Variants in PXYLP1 observed in about 807,000 individuals in gnomAD.
PXYLP1 encodes acid phosphatase-like 2.
In PXYLP1, 17 loss-of-function variants were observed where a neutral mutation model predicts 37.9. The ratio of observed to expected loss-of-function variants is 0.45; its 90% CI spans 0.31 to 0.67. The LOEUF (loss-of-function observed/expected upper bound fraction) is 0.67. Among genes scored for constraint, PXYLP1 ranks in the 30% least tolerant of loss-of-function variants. The probability of loss-of-function intolerance (pLI) is 0.07; values close to 1 mark genes in which losing one functional copy is unlikely to be tolerated. For missense variants in PXYLP1, 511 were observed against 612.0 expected (o/e 0.84, Z 1.74); for synonymous variants, 221 against 232.2 (o/e 0.95, Z 0.44).
At chr3:141,251,124 C>T (rs142079745) in intron 1 of PXYLP1, among the ~76,000 whole-genome samples, 184 of 152,320 alleles carry the variant, frequency 1.2e-3, no homozygotes, top group Non-Finnish European at 7.1e-4. Context: ...AGTTCTAGAT[C>T]GGAAATTGGT....
intron 1 of PXYLP1, among the ~76,000 whole-genome samples, chr3:141,236,714 A>G (rs561613388): frequency 6.6e-6 from 1 of 152,330 alleles, no homozygotes; most frequent in East Asian, 1.9e-4. Context: ...TTAGAATTAA[A>G]CATTTACTGT....
In PXYLP1 at chr3:141,292,906, C is replaced by T; in HGVS notation, c.1144C>T (p.Leu382=). Residue 382 remains leucine, a synonymous_variant, in exon 6 of 6, where the codon CTG becomes TTG. Transcript: ENST00000286353. The surrounding 1 kb of genome is among the most constrained non-coding windows in gnomAD (Gnocchi z 4.3). ...CCTCTACTCTGCTCATGATGTCACTCTGTCACCAGTTCTCAGTGCCTTGGG... is the reference window on the plus strand; with the variant it reads ...CCTCTACTCTGCTCATGATGTCACTTTGTCACCAGTTCTCAGTGCCTTGGG... ...FALYSAHDVT[L]SPVLSALGLS... The T allele has an allele frequency of 6.2e-7, 1 of 1,614,180 alleles. No homozygotes were observed. Among genetic ancestry groups the T allele is most frequent in the South Asian group, 1.1e-5 (1 of 91,070 alleles).
At chr3:141,287,589 T>A in intron 5 of PXYLP1, 136 bp downstream of exon 5, 6 of 925,754 alleles carry the variant, frequency 6.5e-6, no homozygotes, top group Non-Finnish European at 8.9e-6. Context: ...AGGAGCTCGG[T>A]CACCAGGGCC....
At chr3:141,259,075 C>T (rs1368824472) in intron 1 of PXYLP1, among the ~76,000 whole-genome samples, 1 of 152,144 alleles carries the variant, frequency 6.6e-6, no homozygotes, top group Non-Finnish European at 1.5e-5. Flanking sequence ...ATGTGCTTTT[C>T]GTAGTACAGC....
At chr3:141,266,752 A>G (rs1009855733) in intron 2 of PXYLP1, among the ~76,000 whole-genome samples, 1 of 149,794 alleles carries the variant, frequency 6.7e-6, no homozygotes, top group Admixed American at 6.6e-5. Flanking sequence ...TGTTTTCGAT[A>G]GTTTCCCTGG....
chr3:141,260,209 GC>G lies in PXYLP1; in HGVS notation c.37del (p.Leu13TrpfsTer8), dbSNP rs1446017104. The G allele has an allele frequency of 6.2e-7, 1 of 1,613,474 alleles. No homozygotes were observed. Among genetic ancestry groups the G allele is most frequent in the Non-Finnish European group, 8.5e-7 (1 of 1,180,022 alleles). Reference sequence around the variant, plus strand: ...CCGCAACCGCTTCTTGCTGCTGCTGGCCCTGGCTGCGCTGCTGGCCTTTGTG... The same window carrying G: ...CCGCAACCGCTTCTTGCTGCTGCTGGCCTGGCTGCGCTGCTGGCCTTTGTG... ...LFRNRFLLLL[A>X]LAALLAFVSL... On this transcript the variant is annotated frameshift_variant, in exon 2 of 6. Transcript: ENST00000286353. LOFTEE classifies it high-confidence loss of function.
intron 4 of PXYLP1, among the ~76,000 whole-genome samples, chr3:141,286,595 C>T (rs1040996314): frequency 1.3e-5 from 2 of 152,072 alleles, no homozygotes; most frequent in African/African-American, 4.8e-5. Context: ...TTTGGCTTGG[C>T]GTGGCCAGAG....
Position 141,292,215 on chromosome 3 carries a change from T to G in PXYLP1, c.506-53T>G. The G allele has an allele frequency of 6.6e-7, 1 of 1,516,280 alleles. No individual in the cohort carries two copies. The highest frequency in any genetic ancestry group is 2.3e-5 in the East Asian group (1 of 44,238). The allele number at this position is 1,516,280 out of a possible 1,614,324, so 93.9% of individuals were successfully genotyped here. A position where few individuals can be genotyped will look rare whatever the true frequency, so the allele number is the denominator to read the frequency against. ...ACACGCTGACTCCACCTCCCCTTGC[T>G]GTTTCTTTTGCTCAGCTGGAAGTAA... On this transcript the variant is annotated intron_variant, in intron 5 of 5. Transcript: ENST00000286353. This position sits in a 1 kb window ranked among gnomAD's most constrained non-coding sequence, Gnocchi z 4.3.
chr3:141,282,701 G>A (rs565274152), intron 4 of PXYLP1, among the ~76,000 whole-genome samples: 2 of 152,368 alleles, frequency 1.3e-5, no homozygotes, highest in South Asian at 4.1e-4. Context: ...AAACTCAGAA[G>A]TGGCAGCAGA....
At chr3:141,273,520 G>GT (rs964045548) in intron 2 of PXYLP1, 2 of 985,422 alleles carry the variant, frequency 2.0e-6, no homozygotes, top group African/African-American at 3.5e-5. Context: ...GGGAAGGGTG[G>GT]TGGGGAGGGA....
At chr3:141,238,858 T>G (rs1197223372) in intron 1 of PXYLP1, among the ~76,000 whole-genome samples, 1 of 152,170 alleles carries the variant, frequency 6.6e-6, no homozygotes, top group Non-Finnish European at 1.5e-5. Context: ...TCCTATTCGT[T>G]AAGTGGAAGT....
At chr3:141,240,183 A>G (rs1049768847) in intron 1 of PXYLP1, among the ~76,000 whole-genome samples, 2 of 152,238 alleles carry the variant, frequency 1.3e-5, no homozygotes, top group African/African-American at 2.4e-5. Context: ...CCAGCAAACC[A>G]GATGTCCCCT....
At chr3:141,270,730 G>A (rs941490147) in intron 2 of PXYLP1, among the ~76,000 whole-genome samples, 2 of 152,196 alleles carry the variant, frequency 1.3e-5, no homozygotes, top group African/African-American at 4.8e-5. Context: ...AATTGGAGTG[G>A]CCAAGAGGAG....
chr3:141,260,440 CTT>C (rs1433453357), intron 2 of PXYLP1, among the ~76,000 whole-genome samples, 186 bp downstream of exon 2: 1 of 152,226 alleles, frequency 6.6e-6, no homozygotes, highest in African/African-American at 2.4e-5. Context: ...TCTGTGTGCT[CTT>C]TTGACTTTTG....
chr3:141,274,196 G>C, intron 2 of PXYLP1: 1 of 1,055,020 alleles, frequency 9.5e-7, no homozygotes, highest in Non-Finnish European at 1.1e-6. Context: ...TTATCTAGGT[G>C]ATCGGGGCAA....
chr3:141,290,987 C>T (rs536076030), intron 5 of PXYLP1, among the ~76,000 whole-genome samples: 29 of 152,158 alleles, frequency 1.9e-4, no homozygotes, highest in African/African-American at 4.6e-4. Context: ...TTTTGCAAAG[C>T]GTCTTGGAAG....
chr3:141,257,904 CAAA>C (rs59070598), intron 1 of PXYLP1, among the ~76,000 whole-genome samples: 86 of 79,438 alleles, frequency 1.1e-3, no homozygotes, highest in African/African-American at 3.4e-3. Flanking sequence ...AACTCTGTCT[CAAA>C]AAAAAAAAAA....
chr3:141,248,892 C>G (rs1480530873), intron 1 of PXYLP1, among the ~76,000 whole-genome samples: 2 of 139,280 alleles, frequency 1.4e-5, no homozygotes, highest in Non-Finnish European at 3.0e-5. Flanking sequence ...GAGAGAGAGA[C>G]AGAGTGAGTG....
intron 2 of PXYLP1, among the ~76,000 whole-genome samples, chr3:141,261,357 C>T (rs1941391891): frequency 6.6e-6 from 1 of 152,206 alleles, no homozygotes; most frequent in South Asian, 2.1e-4. Flanking sequence ...CAGGGTTTCA[C>T]CATGTTGCCC....
Sources: allele counts gnomAD v4.1 joint callset (sites outside exome capture counted in the v4.1 genomes callset), GRCh38; gene constraint gnomAD v4.1.1; non-coding constraint Gnocchi (gnomAD v3.1); transcripts MANE v1.5; gene names NCBI Gene and HGNC (gene_info 2026-07-23, HGNC 2026-07-21).